ASB4: variants seen among roughly 807,000 people sequenced by gnomAD.
ASB4 encodes the protein ankyrin repeat and SOCS box protein 4.
Under a neutral mutation model 38.6 loss-of-function variants are expected in ASB4, and 35 were observed. The observed-to-expected ratio is 0.91, with a 90% CI of 0.69 to 1.20. ASB4 has a LOEUF of 1.20. ASB4 is among the 50% of genes most tolerant of loss of function. ASB4 has a pLI of 0.00. For missense variants in ASB4, 557 were observed against 527.2 expected (o/e 1.06, Z -0.55); for synonymous variants, 195 against 201.3 (o/e 0.97, Z 0.26).
Position 95,536,504 on chromosome 7 carries a change from G to C in ASB4, c.1046G>C (p.Arg349Thr). The C allele has an allele frequency of 2.5e-6, 4 of 1,613,386 alleles. No homozygotes were observed. Among genetic ancestry groups the C allele is most frequent in the Non-Finnish European group, 3.4e-6 (4 of 1,179,428 alleles). Residue 349 changes from arginine (R) to threonine (T), a missense_variant, in exon 4 of 5, where the codon AGA becomes ACA. By Grantham distance (71) the Arg-to-Thr change is moderately conservative. Coordinates refer to ENST00000325885, the MANE Select transcript of ASB4 (RefSeq NM_016116.3). ...GTAGTCAATGCCTATGAACACATCAGATGGAACACAAAGTGGAGAAGAGCT... is the reference window on the plus strand; with the variant it reads ...GTAGTCAATGCCTATGAACACATCACATGGAACACAAAGTGGAGAAGAGCT... ...EVVVNAYEHI[R>T]WNTKWRRAIP... is the part of the protein sequence containing the mutation.
At chr7:95,518,043 G>C (rs1164199173) in intron 2 of ASB4, among the ~76,000 whole-genome samples, 15 of 152,160 alleles carry the variant, frequency 9.9e-5, no homozygotes, top group East Asian at 7.7e-4. Flanking sequence ...AATTGGAGGA[G>C]AGACCCTACT....
intron 3 of ASB4, among the ~76,000 whole-genome samples, chr7:95,536,065 C>T (rs1370605579): frequency 6.6e-6 from 1 of 152,148 alleles, no homozygotes. Flanking sequence ...TTTGTTAGTG[C>T]CTCTTTTTCA....
downstream of ASB4, chr7:95,544,548 C>T (rs1380832082): frequency 6.6e-6 from 1 of 152,150 alleles, no homozygotes; most frequent in Non-Finnish European, 1.5e-5. Flanking sequence ...AATTCAATGG[C>T]TTGAGTTTTA....
intron 3 of ASB4, among the ~76,000 whole-genome samples, chr7:95,535,957 A>G (rs1254036649): frequency 6.6e-6 from 1 of 152,212 alleles, no homozygotes; most frequent in Admixed American, 6.5e-5. Context: ...GAGCTGGAAG[A>G]GTTTCCCAGG....
intron 1 of ASB4, among the ~76,000 whole-genome samples, chr7:95,495,216 A>G (rs1356170730): frequency 6.6e-6 from 1 of 152,218 alleles, no homozygotes; most frequent in East Asian, 1.9e-4. Flanking sequence ...AGGCAGGCAA[A>G]TAAAATCTTG....
intron 1 of ASB4, among the ~76,000 whole-genome samples, chr7:95,487,887 G>A (rs1790114956): frequency 6.6e-6 from 1 of 152,100 alleles, no homozygotes; most frequent in Middle Eastern, 3.2e-3. Flanking sequence ...TAAAATTTGT[G>A]GTCTTACTTT....
At chr7:95,515,316 T>TCTTTCTTTCTTTCTTCCTTCCTTCCTTC (rs1420581416) in intron 2 of ASB4, among the ~76,000 whole-genome samples, 2 of 95,772 alleles carry the variant, frequency 2.1e-5, no homozygotes, top group African/African-American at 4.3e-5. Context: ...TTTCTTTCTT[T>TCTTTCTTTCTTTCTTCCTTCCTTCCTTC]CTTCCTTCCT....
chr7:95,477,996 A>G (rs563969298), upstream of ASB4, among the ~76,000 whole-genome samples: 15 of 152,202 alleles, frequency 9.9e-5, no homozygotes, highest in Non-Finnish European at 2.1e-4. Context: ...AGATACTTCC[A>G]TAGTATAAAA....
Position 95,537,629 on chromosome 7 carries a change from T to C in ASB4, c.1151T>C (p.Leu384Pro). ...FTVCCNSPRT[L>P]MHLSRCAIRR... ...GTGTGCTGTAACTCTCCAAGGACTC[T>C]CATGCACTTATCGAGATGTGCCATT... Residue 384 changes from leucine (L) to proline (P), a missense_variant, in exon 5 of 5, where the codon CTC becomes CCC. Leu to Pro is a moderately conservative substitution (Grantham distance 98). Transcript: ENST00000325885. The C allele has an allele frequency of 6.2e-7, 1 of 1,613,908 alleles. No individual in the cohort carries two copies. The highest frequency in any genetic ancestry group is 8.5e-7 in the Non-Finnish European group (1 of 1,179,826).
chr7:95,494,041 A>C (rs190465956), intron 1 of ASB4, among the ~76,000 whole-genome samples: 1 of 152,352 alleles, frequency 6.6e-6, no homozygotes, highest in East Asian at 1.9e-4. Context: ...CACAGAGTAC[A>C]ATGCAAATGT....
intron 3 of ASB4, among the ~76,000 whole-genome samples, chr7:95,531,435 A>G (rs1433862682): frequency 6.6e-6 from 1 of 152,210 alleles, no homozygotes; most frequent in Non-Finnish European, 1.5e-5. Context: ...CAGGGCATGA[A>G]GGTGCCAGAG....
Position 95,528,241 on chromosome 7 carries a change from A to G in ASB4, c.916A>G (p.Ile306Val). Residue 306 changes from isoleucine to valine, a missense_variant, in exon 3 of 5, where the codon ATC (isoleucine) becomes GTC (valine). Coordinates refer to ENST00000325885, the MANE Select transcript of ASB4 (RefSeq NM_016116.3). ...TSVRPAAQPE[I>V]CYQLLLNHGA... Reference sequence around the variant, plus strand: ...CGTGCGCCCTGCTGCCCAGCCTGAGATCTGCTACCAGCTCCTGTTGAACCA... The same window carrying G: ...CGTGCGCCCTGCTGCCCAGCCTGAGGTCTGCTACCAGCTCCTGTTGAACCA... The G allele has an allele frequency of 6.2e-7, 1 of 1,614,148 alleles. No homozygotes were observed. The highest frequency in any genetic ancestry group is 8.5e-7 in the Non-Finnish European group (1 of 1,180,016).
chr7:95,536,581 C>T, intron 4 of ASB4, 31 bp downstream of exon 4: 1 of 1,501,266 alleles, frequency 6.7e-7, no homozygotes. Context: ...TAATAGTTTT[C>T]ACTATCAAGT....
chr7:95,516,510 T>C (rs1481147163), intron 2 of ASB4, among the ~76,000 whole-genome samples: 1 of 152,132 alleles, frequency 6.6e-6, no homozygotes, highest in South Asian at 2.1e-4. Flanking sequence ...ATGAAAAAAA[T>C]GTGTCTCCCA....
chr7:95,506,748 G>T (rs1158791715), intron 2 of ASB4, among the ~76,000 whole-genome samples: 8 of 147,848 alleles, frequency 5.4e-5, no homozygotes, highest in Non-Finnish European at 5.9e-5. Flanking sequence ...GTCTTGGTAG[G>T]TTTATCTTCA....
At chr7:95,506,774 C>A (rs1790415395) in intron 2 of ASB4, among the ~76,000 whole-genome samples, 2 of 149,614 alleles carry the variant, frequency 1.3e-5, no homozygotes, top group African/African-American at 4.9e-5. Flanking sequence ...TGTACTGAGT[C>A]CATTCAATTC....
intron 1 of ASB4, among the ~76,000 whole-genome samples, chr7:95,480,548 T>C (rs1790014093): frequency 6.6e-6 from 1 of 152,230 alleles, no homozygotes; most frequent in African/African-American, 2.4e-5. Context: ...GGATCTTTCA[T>C]TCTGGGAGAA....
chr7:95,541,989 C>G (rs1790976402), downstream of ASB4, among the ~76,000 whole-genome samples: 1 of 152,010 alleles, frequency 6.6e-6, no homozygotes. Flanking sequence ...ATCACTTGAG[C>G]CCACGAGTTC....
At chr7:95,484,452 A>T (rs1321633802), upstream of ASB4, among the ~76,000 whole-genome samples, 12 of 152,236 alleles carry the variant, frequency 7.9e-5, no homozygotes, top group Non-Finnish European at 1.3e-4. Context: ...AACTTGAACT[A>T]GTCTATGGTT....
Sources: allele counts gnomAD v4.1 joint callset (sites outside exome capture counted in the v4.1 genomes callset), GRCh38; gene constraint gnomAD v4.1.1; transcripts MANE v1.5; gene names NCBI Gene and HGNC (gene_info 2026-07-23, HGNC 2026-07-21).